STARD13: variants seen among roughly 807,000 people sequenced by gnomAD.
STARD13 encodes StAR related lipid transfer domain containing 13.
In STARD13, 62 loss-of-function variants were observed where a neutral mutation model predicts 106.4. The ratio of observed to expected loss-of-function variants is 0.58; its 90% confidence interval spans 0.48 to 0.72. The LOEUF is 0.72. STARD13 is among the 30% of genes least tolerant of loss of function. The probability of loss-of-function intolerance (pLI) is 0.00; values close to 1 mark genes in which losing one functional copy is unlikely to be tolerated. For missense variants in STARD13, 1,387 were observed against 1,424.0 expected, an observed-to-expected ratio of 0.97 and a Z score of 0.42; for synonymous variants, 565 against 553.0, an observed-to-expected ratio of 1.02 and a Z score of -0.31.
chr13:33,165,848 C>A (rs1203518695), intron 2 of STARD13, among the ~76,000 whole-genome samples: 1 of 152,166 alleles, frequency 6.6e-6, no homozygotes, highest in Non-Finnish European at 1.5e-5. Flanking sequence ...ACCCAAAGTT[C>A]TATCATCTGA....
chr13:33,381,538 G>A, the STARD13 span, among the ~76,000 whole-genome samples: 2 of 152,068 alleles, frequency 1.3e-5, no homozygotes, highest in Non-Finnish European at 2.9e-5. Context: ...TCAGGAGTTC[G>A]AGACCAGCCT....
At chr13:33,235,435 A>G (rs1347703010) in intron 1 of STARD13, among the ~76,000 whole-genome samples, 1 of 152,214 alleles carries the variant, frequency 6.6e-6, no homozygotes, top group Non-Finnish European at 1.5e-5. Flanking sequence ...GCCAGTGCAG[A>G]CATCTCATTA....
chr13:33,213,931 G>A (rs984662126), intron 1 of STARD13, among the ~76,000 whole-genome samples: 5 of 152,222 alleles, frequency 3.3e-5, no homozygotes, highest in African/African-American at 1.2e-4. Flanking sequence ...GGAAGCTGCA[G>A]TATGGAAAGA....
the STARD13 span, among the ~76,000 whole-genome samples, chr13:33,512,484 T>C: frequency 1.3e-5 from 2 of 152,148 alleles, no homozygotes; most frequent in Non-Finnish European, 2.9e-5. Context: ...TTCTTTTTTT[T>C]GAGGCGAAGT....
chr13:33,273,532 G>T (rs980901087), intron 1 of STARD13, among the ~76,000 whole-genome samples: 1 of 152,180 alleles, frequency 6.6e-6, no homozygotes, highest in South Asian at 2.1e-4. Flanking sequence ...TAATTGTTAA[G>T]ATTTTAGTCC....
the STARD13 span, among the ~76,000 whole-genome samples, chr13:33,572,037 CAG>C: frequency 6.6e-6 from 1 of 152,148 alleles, no homozygotes; most frequent in Non-Finnish European, 1.5e-5. Context: ...ACACCAGAAA[CAG>C]AGATAAAGAA....
chr13:33,675,419 C>T, the STARD13 span, among the ~76,000 whole-genome samples: 4 of 152,190 alleles, frequency 2.6e-5, no homozygotes, highest in Admixed American at 2.6e-4. Flanking sequence ...CAAGACTCCA[C>T]TACTGCTGCA....
At chr13:33,353,338 C>G (rs1164220164), upstream of STARD13, among the ~76,000 whole-genome samples, 2 of 152,174 alleles carry the variant, frequency 1.3e-5, no homozygotes, top group Non-Finnish European at 2.9e-5. Flanking sequence ...GTTGCTAAAT[C>G]TAACAACGTG....
rs754717008 is a variant in STARD13 at position 33,130,076 on chromosome 13, C to T, written c.601G>A (p.Glu201Lys). Residue 201 changes from glutamate (E) to lysine (K), a missense_variant, in exon 5 of 14, where the codon GAA (glutamate) becomes AAA (lysine). By Grantham distance (56) the Glu-to-Lys change is moderately conservative (BLOSUM62 1). Transcript: ENST00000336934. This position sits in a 1 kb window ranked among gnomAD's most constrained non-coding sequence, Gnocchi z 4.1. ...SEPEVCSIHSESSGGSDSRSQ... is the reference protein window; with the variant it reads ...SEPEVCSIHSKSSGGSDSRSQ... The stretch of plus-strand genomic sequence containing the variant: ...CGACTGTCGCTGCCTCCACTGCTTT[C>T]GCTGTGAATGGAGCAGACCTCAGGC... 20 of 1,613,970 alleles carry T rather than the reference C, an allele frequency of 1.2e-5. No homozygotes were observed. Among genetic ancestry groups the T allele is most frequent in the South Asian group, 7.7e-5 (7 of 91,068 alleles).
chr13:33,245,170 C>T (rs1566095382), intron 1 of STARD13, among the ~76,000 whole-genome samples: 1 of 152,218 alleles, frequency 6.6e-6, no homozygotes, highest in Non-Finnish European at 1.5e-5. Flanking sequence ...CAGCTGGAAA[C>T]TCACCATCCT....
At chr13:33,456,720 A>G in the STARD13 span, among the ~76,000 whole-genome samples, 1 of 152,174 alleles carries the variant, frequency 6.6e-6, no homozygotes, top group Non-Finnish European at 1.5e-5. Context: ...TAAAAGACAC[A>G]CCAGAAAGCT....
intron 1 of STARD13, 112 bp downstream of exon 1, chr13:33,285,358 G>C (rs759043995): frequency 1.6e-4 from 195 of 1,184,874 alleles, no homozygotes; most frequent in Non-Finnish European, 2.2e-4. Flanking sequence ...GTGTGGCATA[G>C]AAATCCATAT....
At chr13:33,131,721 C>G (rs940709287) in intron 4 of STARD13, among the ~76,000 whole-genome samples, 1 of 152,148 alleles carries the variant, frequency 6.6e-6, no homozygotes, top group Non-Finnish European at 1.5e-5. Flanking sequence ...ATTTATTTTA[C>G]TCTACCTGGG....
the STARD13 span, among the ~76,000 whole-genome samples, chr13:33,675,437 A>G: frequency 6.6e-6 from 1 of 152,174 alleles, no homozygotes; most frequent in East Asian, 1.9e-4. Context: ...GCACCCTCAG[A>G]TTTTAGGTAG....
chr13:33,300,096 C>G (rs1474842140), intron 1 of STARD13, among the ~76,000 whole-genome samples: 3 of 152,160 alleles, frequency 2.0e-5, no homozygotes, highest in South Asian at 4.1e-4. Flanking sequence ...TAACCAAAGT[C>G]AGGCTCTGTT....
chr13:33,177,830 A>G (rs1238582694), intron 1 of STARD13, among the ~76,000 whole-genome samples: 1 of 28,694 alleles, frequency 3.5e-5, no homozygotes, highest in Non-Finnish European at 6.5e-5. Context: ...GGAAGGAAGG[A>G]AGGAAGGAAG....
the STARD13 span, among the ~76,000 whole-genome samples, chr13:33,458,333 C>T: frequency 1.1e-4 from 16 of 148,774 alleles, no homozygotes; most frequent in East Asian, 4.0e-4. Flanking sequence ...AGTGCAGTGG[C>T]TCAATCTTGG....
chr13:33,236,346 G>C (rs1250623439), intron 1 of STARD13, among the ~76,000 whole-genome samples: 4 of 152,320 alleles, frequency 2.6e-5, no homozygotes, highest in African/African-American at 9.6e-5. Flanking sequence ...TAGTGTTTCT[G>C]TGGAGAGGAA....
the STARD13 span, among the ~76,000 whole-genome samples, chr13:33,579,063 C>T: frequency 1.6e-4 from 25 of 151,960 alleles, no homozygotes; most frequent in African/African-American, 5.6e-4. Flanking sequence ...GGAATGTAAA[C>T]GAGTACAACC....
Sources: gnomAD v4.1 joint callset for allele counts (sites outside exome capture counted in the v4.1 genomes callset) on GRCh38, gnomAD v4.1.1 for gene constraint, Gnocchi (gnomAD v3.1) non-coding constraint, MANE v1.5 for transcripts, NCBI Gene and HGNC (gene_info 2026-07-23, HGNC 2026-07-21) for gene names.